The following SCARA3 variants were observed in gnomAD, a reference collection of about 807,000 sequenced individuals.
SCARA3 encodes the protein cellular stress response gene protein.
In SCARA3, 39 loss-of-function variants were observed where a neutral mutation model predicts 47.0. The observed-to-expected ratio is 0.83, with a 90% CI of 0.64 to 1.08. SCARA3 has a LOEUF of 1.08. Ranked by LOEUF, SCARA3 falls within the 50% of genes least tolerant of loss-of-function variation. The pLI is 0.00. For missense variants in SCARA3, 724 were observed against 792.3 expected (o/e 0.91, Z 1.04); for synonymous variants, 356 against 334.1 (o/e 1.07, Z -0.71).
At chr8:27,693,646 T>C in the SCARA3 span, among the ~76,000 whole-genome samples, 1 of 152,064 alleles carries the variant, frequency 6.6e-6, no homozygotes, top group East Asian at 1.9e-4. Flanking sequence ...GAAGTGGGGG[T>C]TGGACATGCC....
At chr8:27,649,241 G>T (rs1801577752) in intron 1 of SCARA3, among the ~76,000 whole-genome samples, 1 of 152,144 alleles carries the variant, frequency 6.6e-6, no homozygotes, top group African/African-American at 2.4e-5. Flanking sequence ...CCTCCCTCTG[G>T]CCTCCTCCTG....
intron 3 of SCARA3, among the ~76,000 whole-genome samples, chr8:27,653,944 G>A (rs1259086677): frequency 6.6e-6 from 1 of 152,056 alleles, no homozygotes; most frequent in Non-Finnish European, 1.5e-5. Context: ...CAGAGCAAAA[G>A]CAGCCACAAG....
chr8:27,689,948 A>G, the SCARA3 span, among the ~76,000 whole-genome samples: 1 of 152,150 alleles, frequency 6.6e-6, no homozygotes, highest in Non-Finnish European at 1.5e-5. Flanking sequence ...ACATAGCAAG[A>G]CCTCATCTCT....
At chr8:27,731,477 G>A in the SCARA3 span, among the ~76,000 whole-genome samples, 3 of 151,498 alleles carry the variant, frequency 2.0e-5, no homozygotes, top group East Asian at 1.9e-4. Context: ...GCAAAACCCC[G>A]TCTCTACTAA....
chr8:27,726,811 G>A, the SCARA3 span, among the ~76,000 whole-genome samples: 4 of 151,718 alleles, frequency 2.6e-5, no homozygotes, highest in East Asian at 3.9e-4. Flanking sequence ...TTTGAGATGC[G>A]GTCTCACTCT....
chr8:27,706,025 G>C, the SCARA3 span, among the ~76,000 whole-genome samples: 1 of 152,246 alleles, frequency 6.6e-6, no homozygotes, highest in African/African-American at 2.4e-5. Context: ...TGGAGGAACA[G>C]AAATAGTTCA....
intron 1 of SCARA3, among the ~76,000 whole-genome samples, chr8:27,637,504 C>T (rs1801279592): frequency 6.6e-6 from 1 of 152,206 alleles, no homozygotes; most frequent in Non-Finnish European, 1.5e-5. Flanking sequence ...CCATCATCTG[C>T]CCTCTTCGGC....
In SCARA3 at chr8:27,666,876, G is replaced by A. The variant is rs547983197; in HGVS notation, c.1370-4024G>A. ...AGCCAGCCACTCCATGGTCCCAGAC[G>A]TGAGGTCAGCTGTGGCTGGACCCTA... On this transcript the variant is annotated intron_variant, in intron 5 of 5. Coordinates refer to ENST00000301904, the MANE Select transcript of SCARA3 (RefSeq NM_016240.3). Among the ~76,000 whole-genome samples the A allele has an allele frequency of 2.0e-4, 30 of 151,960 alleles. No homozygotes were observed. In the South Asian group the frequency reaches 5.2e-3, roughly 26 times the overall value.
chr8:27,734,129 CTG>C, the SCARA3 span: 1 of 152,352 alleles, frequency 6.6e-6, no homozygotes, highest in South Asian at 2.1e-4. Flanking sequence ...TTCTCAACAT[CTG>C]TGTTGGTAAA....
chr8:27,705,150 T>C, the SCARA3 span, among the ~76,000 whole-genome samples: 1 of 152,178 alleles, frequency 6.6e-6, no homozygotes, highest in Non-Finnish European at 1.5e-5. Flanking sequence ...TGTGTCTCTC[T>C]GGGTGCCAGA....
the SCARA3 span, among the ~76,000 whole-genome samples, chr8:27,690,984 T>C: frequency 6.6e-6 from 1 of 152,112 alleles, no homozygotes; most frequent in African/African-American, 2.4e-5. Context: ...CGCCAGGCCA[T>C]ATGCATAGAT....
intron 5 of SCARA3, among the ~76,000 whole-genome samples, chr8:27,663,297 A>G (rs950225593): frequency 2.6e-5 from 4 of 152,254 alleles, no homozygotes; most frequent in African/African-American, 9.6e-5. Flanking sequence ...CTGCAGAACC[A>G]TCTGTAAACC....
intron 1 of SCARA3, among the ~76,000 whole-genome samples, chr8:27,636,002 C>A (rs1256183576): frequency 2.6e-5 from 4 of 152,208 alleles, no homozygotes; most frequent in African/African-American, 7.2e-5. Context: ...TCCCGTTGGC[C>A]TCCCCAAGTC....
rs61545866 is a variant in SCARA3 at position 27,653,570 on chromosome 8, CGTGT to C, written c.226+1970_226+1973del. ...AAAGAATGATTATAGATTTGTAAAG[CGTGT>C]GTGTGTGTGTGTGTGTGTGTGTGTG... On this transcript the variant is annotated intron_variant, in intron 3 of 5. Coordinates refer to ENST00000301904, the MANE Select transcript of SCARA3 (RefSeq NM_016240.3). Among the ~76,000 whole-genome samples, 104 of 145,172 alleles carry C rather than the reference CGTGT, an allele frequency of 7.2e-4. 1 individual carries two copies. Among genetic ancestry groups the C allele is most frequent in the African/African-American group, 1.2e-3 (49 of 39,744 alleles).
the SCARA3 span, among the ~76,000 whole-genome samples, chr8:27,706,438 C>T: frequency 2.6e-4 from 40 of 152,122 alleles, no homozygotes; most frequent in Non-Finnish European, 4.7e-4. Context: ...CAGGCATGAG[C>T]CACCATGCCC....
At chr8:27,650,047 G>A (rs1801599320) in intron 2 of SCARA3, among the ~76,000 whole-genome samples, 5 of 152,216 alleles carry the variant, frequency 3.3e-5, no homozygotes. Flanking sequence ...AGGCTAGTAT[G>A]AGTGGTGCAA....
the SCARA3 span, among the ~76,000 whole-genome samples, chr8:27,698,869 A>C: frequency 6.6e-6 from 1 of 152,112 alleles, no homozygotes; most frequent in African/African-American, 2.4e-5. Flanking sequence ...TTATAAATGG[A>C]GATATATATA....
At chr8:27,647,120 T>A (rs1465729071) in intron 1 of SCARA3, among the ~76,000 whole-genome samples, 1 of 151,808 alleles carries the variant, frequency 6.6e-6, no homozygotes, top group Admixed American at 6.6e-5. Flanking sequence ...ACACCACACA[T>A]ACACAGGTAC....
intron 1 of SCARA3, among the ~76,000 whole-genome samples, chr8:27,635,257 G>C (rs1042870368): frequency 6.6e-6 from 1 of 152,000 alleles, no homozygotes; most frequent in Non-Finnish European, 1.5e-5. Context: ...ATGGCCTGAG[G>C]GTTCATTGGA....
Sources: allele counts gnomAD v4.1 joint callset (sites outside exome capture counted in the v4.1 genomes callset), GRCh38; gene constraint gnomAD v4.1.1; transcripts MANE v1.5; gene names NCBI Gene and HGNC (gene_info 2026-07-23, HGNC 2026-07-21).